BMP7: variants seen among roughly 807,000 people sequenced by gnomAD.
BMP7 encodes the protein osteogenic protein 1.
A neutral mutation model predicts 41.2 loss-of-function variants in BMP7; 12 were observed. The observed-to-expected ratio is 0.29, with a 90% CI of 0.19 to 0.47. The LOEUF is 0.47. Among genes scored for constraint, BMP7 ranks in the 20% least tolerant of loss-of-function variants. The pLI, the probability that BMP7 is intolerant of heterozygous loss-of-function variation, is 0.99. For missense variants in BMP7, 467 were observed against 606.0 expected (o/e 0.77, Z 2.41); for synonymous variants, 248 against 250.0 (o/e 0.99, Z 0.07).
intron 4 of BMP7, among the ~76,000 whole-genome samples, chr20:57,179,618 C>T (rs955373968): frequency 4.6e-5 from 7 of 152,214 alleles, no homozygotes; most frequent in Non-Finnish European, 1.0e-4. Flanking sequence ...ACAGGGCTGC[C>T]GAGAGATTCA....
rs367800755 is a variant in BMP7, at chr20:57,265,865, C to G, written c.258G>C (p.Leu86=). ...HNSAPMFMLD[L]YNAMAVEEGG... ...CCTCCTCCACCGCCATGGCGTTGTACAGGTCCAGCATGAACATGGGTGCCG... is the reference window on the plus strand; with the variant it reads ...CCTCCTCCACCGCCATGGCGTTGTAGAGGTCCAGCATGAACATGGGTGCCG... Residue 86 remains leucine, a synonymous_variant, in exon 1 of 7, where the codon CTG becomes CTC. Coordinates refer to ENST00000395863, the MANE Select transcript of BMP7 (RefSeq NM_001719.3). 9.3e-6 allele frequency: 15 copies of G among 1,605,692 alleles called. No homozygotes were observed. The African/African-American group carries it at 1.6e-4, about 17-fold the overall frequency.
At chr20:57,226,034 C>A (rs908928479) in intron 2 of BMP7, 17 of 446,960 alleles carry the variant, frequency 3.8e-5, no homozygotes, top group Non-Finnish European at 7.0e-5. Flanking sequence ...GAATGGGCAC[C>A]CCCAGCCCAA....
chr20:57,183,929 A>C lies in BMP7; in HGVS notation c.761-10T>G, dbSNP rs1984149952. 1 of 1,612,746 alleles carries C rather than the reference A, an allele frequency of 6.2e-7. No individual in the cohort carries two copies. Among genetic ancestry groups the C allele is most frequent in the Non-Finnish European group, 8.5e-7 (1 of 1,179,986 alleles). On this transcript the variant is annotated splice_polypyrimidine_tract_variant and intron_variant, in intron 3 of 6. Coordinates refer to ENST00000395863, the MANE Select transcript of BMP7 (RefSeq NM_001719.3). ...GGGTTGATGCTCTGCCCTGGACAGG[A>C]AGCAGCCAAGTGCACAGAAGAGTAG...
In BMP7 at chr20:57,265,681, G is replaced by A. The variant is rs1397546634; in HGVS notation, c.418+24C>T. 3.2e-6 allele frequency: 5 copies of A among 1,585,478 alleles called. No homozygotes were observed. In the African/African-American group the frequency reaches 4.0e-5, roughly 13 times the overall value. ...TCAAAGTGCCCCCGAAAGGAGACGCGTACCCTCGCCTGCCCTTACTCACCG... is the reference window on the plus strand; with the variant it reads ...TCAAAGTGCCCCCGAAAGGAGACGCATACCCTCGCCTGCCCTTACTCACCG... On this transcript the variant is annotated intron_variant, in intron 1 of 6. Coordinates refer to ENST00000395863, the MANE Select transcript of BMP7 (RefSeq NM_001719.3).
rs1458307492 is a variant in BMP7, at chr20:57,170,948, T to TCTCGGAGGAG, written c.*1_*10dup. On this transcript the variant is annotated 3_prime_UTR_variant, in exon 7 of 7. Coordinates refer to ENST00000395863, the MANE Select transcript of BMP7 (RefSeq NM_001719.3). ...AAACTTGGCCCCAAAGGGTCTGAAT[T>TCTCGGAGGAG]CTCGGAGGAGCTAGTGGCAGCCACA... 6 of 1,612,862 alleles carry TCTCGGAGGAG rather than the reference T, an allele frequency of 3.7e-6. No individual in the cohort carries two copies. The highest frequency in any genetic ancestry group is 5.1e-6 in the Non-Finnish European group (6 of 1,179,796).
rs2066154300 is a variant in BMP7, at chr20:57,261,603, C to T, written c.418+4102G>A. ...GTTACGAAAAACACAGCTGTTGGTGCACTCCTATAGCAAAGGCGCTCTGCA... is the reference window on the plus strand; with the variant it reads ...GTTACGAAAAACACAGCTGTTGGTGTACTCCTATAGCAAAGGCGCTCTGCA... On this transcript the variant is annotated intron_variant, in intron 1 of 6. Transcript: ENST00000395863. This position sits in a 1 kb window ranked among gnomAD's most constrained non-coding sequence, Gnocchi z 4.1. Among the ~76,000 whole-genome samples, 1 of 152,174 alleles carries T rather than the reference C, an allele frequency of 6.6e-6. No homozygotes were observed. Among genetic ancestry groups the T allele is most frequent in the African/African-American group, 2.4e-5 (1 of 41,436 alleles).
chr20:57,191,916 A>G (rs571504418), intron 3 of BMP7, among the ~76,000 whole-genome samples: 27 of 132,164 alleles, frequency 2.0e-4, no homozygotes, highest in Admixed American at 1.9e-3. Flanking sequence ...CATACTATAT[A>G]TTATATATTT....
intron 1 of BMP7, among the ~76,000 whole-genome samples, chr20:57,257,340 A>T (rs894266674): frequency 6.6e-6 from 1 of 152,200 alleles, no homozygotes; most frequent in Admixed American, 6.5e-5. Context: ...AGTCCATTGC[A>T]CCGCAAATTT....
chr20:57,254,457 G>A lies in BMP7; in HGVS notation c.418+11248C>T, dbSNP rs571330949. Among the ~76,000 whole-genome samples, 55 of 152,164 alleles carry A rather than the reference G, an allele frequency of 3.6e-4. 2 individuals are homozygous for A. In the South Asian group the frequency reaches 9.8e-3, roughly 27 times the overall value. ...ACCCTGAAGGTAGGGAGTCCTTCCT[G>A]CCCATGTGTCCATGGTATTACTGCA... On this transcript the variant is annotated intron_variant, in intron 1 of 6. Coordinates refer to ENST00000395863, the MANE Select transcript of BMP7 (RefSeq NM_001719.3).
In BMP7 at chr20:57,194,313, G is replaced by A. The variant is rs114417392; in HGVS notation, c.760+8162C>T. 9.6e-3 allele frequency among the ~76,000 whole-genome samples: 1,462 copies of A among 152,220 alleles called. 21 individuals carry two copies. The highest frequency in any genetic ancestry group is 0.034 in the African/African-American group (1,401 of 41,522). ...CTAGCCCAGGGGCCAACAAACTACA[G>A]CCTGCAGGCCATATCCAGCCCACTG... On this transcript the variant is annotated intron_variant, in intron 3 of 6. Coordinates refer to ENST00000395863, the MANE Select transcript of BMP7 (RefSeq NM_001719.3).
intron 1 of BMP7, among the ~76,000 whole-genome samples, chr20:57,243,220 C>T (rs2066076748): frequency 6.6e-6 from 1 of 152,148 alleles, no homozygotes; most frequent in Admixed American, 6.5e-5. Context: ...ATTGGTGGCT[C>T]ACGCCCATAA....
chr20:57,248,113 A>G (rs2066097402), intron 1 of BMP7, among the ~76,000 whole-genome samples: 2 of 152,216 alleles, frequency 1.3e-5, no homozygotes, highest in South Asian at 2.1e-4. Flanking sequence ...CCTTCTGTAT[A>G]TATTCACAGT....
chr20:57,259,090 A>T lies in BMP7; in HGVS notation c.418+6615T>A, dbSNP rs557996990. ...GCTAATGTGCTGTCATAGTGGAAAC[A>T]GACACATAGGTTTAGGCTGTGTCTA... On this transcript the variant is annotated intron_variant, in intron 1 of 6. Transcript: ENST00000395863. This position sits in a 1 kb window ranked among gnomAD's most constrained non-coding sequence, Gnocchi z 4.7. 6.6e-5 allele frequency among the ~76,000 whole-genome samples: 10 copies of T among 152,354 alleles called. No homozygotes were observed. Among genetic ancestry groups the T allele is most frequent in the African/African-American group, 2.4e-4 (10 of 41,590 alleles).
At chr20:57,232,874 C>CAT (rs2066034392) in intron 1 of BMP7, among the ~76,000 whole-genome samples, 1 of 151,588 alleles carries the variant, frequency 6.6e-6, no homozygotes, top group East Asian at 1.9e-4. Flanking sequence ...CACACACACA[C>CAT]ACACACACAC....
intron 1 of BMP7, among the ~76,000 whole-genome samples, chr20:57,247,560 T>C (rs1432230018): frequency 6.6e-6 from 1 of 152,234 alleles, no homozygotes; most frequent in Non-Finnish European, 1.5e-5. Context: ...CCAGACCCTA[T>C]CACGTTAGTC....
intron 2 of BMP7, among the ~76,000 whole-genome samples, chr20:57,209,249 T>TTATACATATA (rs1984818641): frequency 3.2e-5 from 3 of 94,876 alleles, no homozygotes; most frequent in Non-Finnish European, 6.4e-5. Flanking sequence ...TTATATATTT[T>TTATACATATA]TATATATATA....
intron 2 of BMP7, chr20:57,225,936 AG>A (rs1457949733): frequency 4.2e-6 from 2 of 471,266 alleles, no homozygotes; most frequent in South Asian, 3.1e-5. Context: ...CGATGCCCTC[AG>A]GCATGGCATG....
chr20:57,207,624 C>T (rs1419348110), intron 2 of BMP7, among the ~76,000 whole-genome samples: 1 of 152,106 alleles, frequency 6.6e-6, no homozygotes, highest in Non-Finnish European at 1.5e-5. Flanking sequence ...CTTCAAAGGA[C>T]CGTATAAATC....
intron 4 of BMP7, among the ~76,000 whole-genome samples, chr20:57,176,718 T>C (rs1983929389): frequency 6.7e-6 from 1 of 149,244 alleles, no homozygotes; most frequent in Admixed American, 6.8e-5. Flanking sequence ...GCCCACTTGT[T>C]AGGGAAATTT....
Sources: allele counts gnomAD v4.1 joint callset (sites outside exome capture counted in the v4.1 genomes callset), GRCh38; gene constraint gnomAD v4.1.1; non-coding constraint Gnocchi (gnomAD v3.1); transcripts MANE v1.5; gene names NCBI Gene and HGNC (gene_info 2026-07-23, HGNC 2026-07-21).